Variants in NAA15 observed in about 807,000 individuals in gnomAD.
The protein encoded by NAA15 is N-terminal acetyltransferase.
In NAA15, 34 loss-of-function variants were observed where a neutral mutation model predicts 114.0. That is an observed-to-expected ratio of 0.30 (90% CI 0.23 to 0.40). The LOEUF is 0.40. NAA15 is among the 10% of genes least tolerant of loss of function. NAA15 has a pLI of 1.00. For synonymous variants in NAA15, 340 were observed against 338.0 expected (o/e 1.01, Z -0.06); for missense variants, 658 against 1,004.5 (o/e 0.66, Z 4.66).
intron 14 of NAA15, among the ~76,000 whole-genome samples, chr4:139,362,378 A>G (rs940190732): frequency 6.6e-6 from 1 of 152,128 alleles, no homozygotes; most frequent in African/African-American, 2.4e-5. Context: ...GGTTCAAGCG[A>G]TTCTCCTGCC....
intron 9 of NAA15, among the ~76,000 whole-genome samples, chr4:139,353,117 T>C (rs1226738144): frequency 2.0e-5 from 3 of 152,248 alleles, no homozygotes; most frequent in African/African-American, 4.8e-5. Context: ...CTAATTTATC[T>C]TTTTAGTCTT....
chr4:139,358,756 T>G (rs935142560), intron 11 of NAA15, among the ~76,000 whole-genome samples: 5 of 152,166 alleles, frequency 3.3e-5, no homozygotes, highest in Non-Finnish European at 7.4e-5. Context: ...CAGTAATGTT[T>G]CCATGGTTCC....
Position 139,389,147 on chromosome 4 carries a change from G to A in NAA15, c.*1063G>A, listed in dbSNP as rs925611804. 1 of 146,630 alleles carries A rather than the reference G, an allele frequency of 6.8e-6. No individual in the cohort carries two copies. The highest frequency in any genetic ancestry group is 2.0e-4 in the East Asian group (1 of 4,944). 9.1% of individuals were successfully genotyped at this position (146,630 alleles called of 1,614,324 possible). On this transcript the variant is annotated 3_prime_UTR_variant, in exon 20 of 20. Transcript: ENST00000296543. ...TTTCTAAGAATATATTTCTTGCTCA[G>A]TTGTTTCAGGCAAGCCCAAGACTTT...
At chr4:139,334,352 G>A in intron 2 of NAA15, 94 bp downstream of exon 2, 1 of 683,868 alleles carries the variant, frequency 1.5e-6, no homozygotes. Context: ...TTTCCAGAGA[G>A]AACAGACCCT....
intron 19 of NAA15, among the ~76,000 whole-genome samples, chr4:139,387,486 C>T (rs180900490): frequency 7.2e-5 from 11 of 152,296 alleles, no homozygotes; most frequent in Admixed American, 6.5e-4. Context: ...TATTAGAAGG[C>T]ATATGTGCAG....
intron 2 of NAA15, among the ~76,000 whole-genome samples, chr4:139,336,346 A>G (rs534642804): frequency 2.0e-5 from 3 of 152,090 alleles, no homozygotes; most frequent in Non-Finnish European, 4.4e-5. Flanking sequence ...TTTTTCTTGT[A>G]TATTTAATAG....
At chr4:139,313,032 GTAT>G (rs1278194600) in intron 1 of NAA15, among the ~76,000 whole-genome samples, 1 of 151,828 alleles carries the variant, frequency 6.6e-6, no homozygotes, top group Non-Finnish European at 1.5e-5. Flanking sequence ...TTTGAAGCCA[GTAT>G]TATTTTTAAT....
intron 17 of NAA15, among the ~76,000 whole-genome samples, chr4:139,383,667 C>T (rs541866295): frequency 8.5e-5 from 13 of 152,238 alleles, no homozygotes; most frequent in South Asian, 4.1e-4. Context: ...GACGGGGTTT[C>T]GCCATGTTGG....
chr4:139,376,688 A>G (rs41280493), intron 16 of NAA15, among the ~76,000 whole-genome samples: 3,372 of 152,328 alleles, frequency 0.022, 51 homozygotes, highest in Non-Finnish European at 0.032. Flanking sequence ...GATGTACATA[A>G]CATAACTAGG....
chr4:139,320,830 T>C (rs1231560038), intron 1 of NAA15, among the ~76,000 whole-genome samples: 1 of 152,096 alleles, frequency 6.6e-6, no homozygotes, highest in East Asian at 1.9e-4. Flanking sequence ...CTCCCTGGTG[T>C]TTTTTGAGAC....
chr4:139,350,467 A>T (rs1040070237), intron 7 of NAA15, among the ~76,000 whole-genome samples: 4 of 152,154 alleles, frequency 2.6e-5, no homozygotes, highest in Non-Finnish European at 5.9e-5. Flanking sequence ...TTGGATTCAG[A>T]CGTGGTCCCC....
At chr4:139,337,020 C>CA (rs1747221586) in intron 3 of NAA15, 68 bp downstream of exon 3, 4 of 974,710 alleles carry the variant, frequency 4.1e-6, no homozygotes, top group Non-Finnish European at 1.5e-6. Context: ...ATTTGAGAGT[C>CA]AAAGTTTTAG....
chr4:139,330,294 A>G (rs1579098171), intron 1 of NAA15, among the ~76,000 whole-genome samples: 1 of 152,326 alleles, frequency 6.6e-6, no homozygotes, highest in East Asian at 1.9e-4. Flanking sequence ...TAAGAAAAAC[A>G]AGCTACTTTT....
intron 1 of NAA15, among the ~76,000 whole-genome samples, chr4:139,326,476 T>C (rs1287976724): frequency 6.6e-6 from 1 of 152,214 alleles, no homozygotes; most frequent in Non-Finnish European, 1.5e-5. Flanking sequence ...CTCTCCATGA[T>C]TTAAGGATTC....
Position 139,336,852 on chromosome 4 carries a change from C to A in NAA15, c.144C>A (p.Thr48=). The A allele has an allele frequency of 1.3e-6, 2 of 1,504,890 alleles. No homozygotes were observed. The highest frequency in any genetic ancestry group is 1.8e-6 in the Non-Finnish European group (2 of 1,128,580). 93.2% of individuals were successfully genotyped at this position (1,504,890 alleles called of 1,614,324 possible). A position where few individuals can be genotyped will look rare whatever the true frequency, so the allele number is the denominator to read the frequency against. Residue 48 remains threonine, a synonymous_variant, in exon 3 of 20, where the codon ACC becomes ACA. Transcript: ENST00000296543. ...SNPKFAEHGE[T]LAMKGLTLNC... is the part of the protein sequence containing the mutation. Reference sequence around the variant, plus strand: ...CTTCTTTGTTTTTGAAAATAGAAACCTTGGCTATGAAAGGATTAACATTGA... The same window carrying A: ...CTTCTTTGTTTTTGAAAATAGAAACATTGGCTATGAAAGGATTAACATTGA...
Position 139,384,962 on chromosome 4 carries a change from G to A in NAA15, c.2286G>A (p.Leu762=). The A allele has an allele frequency of 6.4e-7, 1 of 1,557,188 alleles. No individual in the cohort carries two copies. The highest frequency in any genetic ancestry group is 8.7e-7 in the Non-Finnish European group (1 of 1,156,042). The part of the protein sequence containing the change: ...ETFLKRNSDS[L]PHRLSAAKMV... ...TTCTGAAAAGGAATTCTGATTCATT[G>A]CCACACAGATTATCAGGTAATCACT... The change falls in exon 18 of 20, where the codon TTG becomes TTA. Residue 762 remains leucine (L), a synonymous_variant. Coordinates refer to ENST00000296543, the MANE Select transcript of NAA15 (RefSeq NM_057175.5).
Position 139,343,267 on chromosome 4 carries a change from C to T in NAA15, c.537+307C>T, listed in dbSNP as rs72726516. Among the ~76,000 whole-genome samples the T allele has an allele frequency of 0.087, 13,181 of 152,112 alleles. 768 individuals are homozygous for T. The highest frequency in any genetic ancestry group is 0.23 in the East Asian group (1,172 of 5,174). On this transcript the variant is annotated intron_variant, in intron 5 of 19. Coordinates refer to ENST00000296543, the MANE Select transcript of NAA15 (RefSeq NM_057175.5). ...TTTAGTGTGTATTTTCTAAAAATAA[C>T]TGTATAGTTTTCAGTTCTCTAGATA...
chr4:139,344,574 CAT>C (rs1054364842), intron 6 of NAA15, among the ~76,000 whole-genome samples: 2 of 152,058 alleles, frequency 1.3e-5, no homozygotes, highest in African/African-American at 2.4e-5. Context: ...TGAAATGACT[CAT>C]AACATTCTTT....
chr4:139,315,033 TAGGTTAGGTTAGGTTAGG>T (rs1560952943), intron 1 of NAA15, among the ~76,000 whole-genome samples: 2,241 of 129,634 alleles, frequency 0.017, 164 homozygotes, highest in East Asian at 0.088. Flanking sequence ...TAGGTTAGGT[TAGGTTAGGTTAGGTTAGG>T]TTAGTTTAGT....
Sources: allele counts gnomAD v4.1 joint callset (sites outside exome capture counted in the v4.1 genomes callset), GRCh38; gene constraint gnomAD v4.1.1; transcripts MANE v1.5; gene names NCBI Gene and HGNC (gene_info 2026-07-23, HGNC 2026-07-21).